Variants in U2SURP observed in about 807,000 individuals in gnomAD.
U2SURP encodes the protein U2 snRNP associated SURP domain containing.
In U2SURP, 9 loss-of-function variants were observed where a neutral mutation model predicts 144.9. The ratio of observed to expected loss-of-function variants is 0.06; its 90% CI spans 0.04 to 0.11. U2SURP has a LOEUF of 0.11. Among genes scored for constraint, U2SURP ranks in the 10% least tolerant of loss-of-function variants. U2SURP has a pLI of 1.00. For synonymous variants in U2SURP, 408 were observed against 396.8 expected, an observed-to-expected ratio of 1.03 and a Z score of -0.33; for missense variants, 724 against 1,226.7, an observed-to-expected ratio of 0.59 and a Z score of 6.12.
chr3:143,027,061 T>A, intron 13 of U2SURP, 88 bp from the exon 14 acceptor site: 8 of 1,019,640 alleles, frequency 7.8e-6, no homozygotes, highest in Non-Finnish European at 1.2e-5. Flanking sequence ...ATAATCATTT[T>A]CTGCACAATT....
intron 23 of U2SURP, among the ~76,000 whole-genome samples, chr3:143,039,220 G>C (rs1339587782): frequency 6.6e-6 from 1 of 151,770 alleles, no homozygotes; most frequent in African/African-American, 2.4e-5. Context: ...TTGGTCAACT[G>C]CATTTTTTTC....
chr3:143,027,290 A>G (rs1483616884), intron 14 of U2SURP, 37 bp downstream of exon 14: 2 of 1,524,422 alleles, frequency 1.3e-6, no homozygotes, highest in African/African-American at 1.4e-5. Flanking sequence ...TATATGTAAC[A>G]TAAAATTTCC....
intron 2 of U2SURP, 165 bp from the exon 3 acceptor site, chr3:143,012,057 T>C: frequency 1.1e-6 from 1 of 881,462 alleles, no homozygotes; most frequent in Non-Finnish European, 1.8e-6. Context: ...TTCCCTGTTC[T>C]TAAGAACTTT....
Position 143,017,021 on chromosome 3 carries a change from C to A in U2SURP, c.570+46C>A, listed in dbSNP as rs778135702. On this transcript the variant is annotated intron_variant, in intron 6 of 27. Coordinates refer to ENST00000473835, the MANE Select transcript of U2SURP (RefSeq NM_001080415.2). ...TGACCATTTATGTTCAGAGATGACA[C>A]TGCCAGTGATACTTCCACTGTAAGC... 3 of 1,516,490 alleles carry A rather than the reference C, an allele frequency of 2.0e-6. No individual in the cohort carries two copies. In the East Asian group the frequency reaches 7.4e-5, roughly 37 times the overall value. 93.9% of individuals were successfully genotyped at this position (1,516,490 alleles called of 1,614,324 possible). A position where few individuals can be genotyped will look rare whatever the true frequency, so the allele number is the denominator to read the frequency against.
At position 143,057,973 on chromosome 3, in the gene U2SURP, A is replaced by G. The variant is rs967969169; in HGVS notation, c.*1523A>G. ...GTTTTACTTAATGGTTCTTATCAGCATGCAAATATTGCTTGAAAGTTATTT... is the reference window on the plus strand; with the variant it reads ...GTTTTACTTAATGGTTCTTATCAGCGTGCAAATATTGCTTGAAAGTTATTT... On this transcript the variant is annotated 3_prime_UTR_variant, in exon 28 of 28. Coordinates refer to ENST00000473835, the MANE Select transcript of U2SURP (RefSeq NM_001080415.2). 5 of 152,396 alleles carry G rather than the reference A, an allele frequency of 3.3e-5. No individual in the cohort carries two copies. Among genetic ancestry groups the G allele is most frequent in the African/African-American group, 1.2e-4 (5 of 41,446 alleles). The allele number at this position is 152,396 out of a possible 1,614,324, so 9.4% of individuals were successfully genotyped here.
intron 20 of U2SURP, chr3:143,036,874 G>T: frequency 3.0e-6 from 1 of 328,842 alleles, no homozygotes; most frequent in Non-Finnish European, 5.6e-6. Context: ...TGATTTCCTG[G>T]TTCCCCCACC....
At chr3:143,007,472 G>A (rs1276702532) in intron 1 of U2SURP, among the ~76,000 whole-genome samples, 3 of 138,444 alleles carry the variant, frequency 2.2e-5, no homozygotes, top group African/African-American at 5.6e-5. Context: ...TTGAGACAGA[G>A]TCTCGCTCTG....
At chr3:143,016,105 A>C (rs1279164183) in intron 4 of U2SURP, among the ~76,000 whole-genome samples, 152 bp from the exon 5 acceptor site, 3 of 152,056 alleles carry the variant, frequency 2.0e-5, no homozygotes, top group African/African-American at 7.2e-5. Flanking sequence ...ATTAATACTT[A>C]ATATCTTCTA....
chr3:143,006,174 ATAATT>A (rs1935822894), intron 1 of U2SURP, among the ~76,000 whole-genome samples: 1 of 152,358 alleles, frequency 6.6e-6, no homozygotes, highest in Middle Eastern at 3.4e-3. Context: ...AGTGTTTTGA[ATAATT>A]TAAAAAATCA....
At chr3:143,034,862 T>C in intron 18 of U2SURP, 26 bp from the exon 19 acceptor site, 1 of 1,446,118 alleles carries the variant, frequency 6.9e-7, no homozygotes, top group Non-Finnish European at 9.6e-7. Context: ...CATTTTATTT[T>C]AAAGAATGTG....
chr3:143,047,868 C>T (rs1423704529), intron 24 of U2SURP, among the ~76,000 whole-genome samples: 29 of 82,476 alleles, frequency 3.5e-4, no homozygotes, highest in East Asian at 1.4e-3. Flanking sequence ...GGCGGCTGGC[C>T]GGGCGGGGGG....
At chr3:143,053,837 A>T (rs1935010801) in intron 26 of U2SURP, 43 bp downstream of exon 26, 1 of 1,453,086 alleles carries the variant, frequency 6.9e-7, no homozygotes, top group Admixed American at 2.3e-5. Context: ...TGGTTTCAAG[A>T]TTTGCAGTGG....
chr3:143,033,471 C>T, intron 18 of U2SURP, 121 bp downstream of exon 18: 1 of 571,548 alleles, frequency 1.7e-6, no homozygotes, highest in South Asian at 2.3e-5. Context: ...CCCTCCATGT[C>T]TGTGGGTTCC....
intron 27 of U2SURP, 43 bp downstream of exon 27, chr3:143,055,162 C>G: frequency 6.8e-7 from 1 of 1,463,428 alleles, no homozygotes; most frequent in Non-Finnish European, 9.1e-7. Context: ...ATACCAGTTT[C>G]CTTGTCATTT....
intron 23 of U2SURP, among the ~76,000 whole-genome samples, chr3:143,041,901 T>C (rs1429508359): frequency 6.6e-6 from 1 of 152,006 alleles, no homozygotes; most frequent in Admixed American, 6.6e-5. Context: ...TGTTTGTATA[T>C]ATATAAACAT....
At chr3:143,023,243 G>T in intron 12 of U2SURP, 179 bp downstream of exon 12, 1 of 525,004 alleles carries the variant, frequency 1.9e-6, no homozygotes. Flanking sequence ...GAAATACTAG[G>T]TCATATTTTT....
At chr3:143,025,037 TAAGG>T (rs1270409537) in intron 13 of U2SURP, among the ~76,000 whole-genome samples, 10 of 152,122 alleles carry the variant, frequency 6.6e-5, no homozygotes, top group South Asian at 6.2e-4. Flanking sequence ...ACACAATCCT[TAAGG>T]AAGAAGAATG....
intron 1 of U2SURP, among the ~76,000 whole-genome samples, chr3:143,004,573 A>ATCC (rs1935728792): frequency 2.1e-5 from 1 of 48,592 alleles, no homozygotes; most frequent in Non-Finnish European, 3.4e-5. Context: ...TGACCTTGTG[A>ATCC]CCCCCCCCCC....
rs956852033 is a variant in U2SURP, at chr3:143,016,992, T to A, written c.570+17T>A. On this transcript the variant is annotated intron_variant, in intron 6 of 27. Transcript: ENST00000473835. ...AAAAAACCTGTAAGTCATACTTAAG[T>A]AATTGACCATTTATGTTCAGAGATG... 8 of 1,560,388 alleles carry A rather than the reference T, an allele frequency of 5.1e-6. No homozygotes were observed. The highest frequency in any genetic ancestry group is 1.4e-5 in the African/African-American group (1 of 71,132).
Sources: gnomAD v4.1 joint callset for allele counts (sites outside exome capture counted in the v4.1 genomes callset) on GRCh38, gnomAD v4.1.1 for gene constraint, MANE v1.5 for transcripts, NCBI Gene and HGNC (gene_info 2026-07-23, HGNC 2026-07-21) for gene names.